CPEB3: variants seen among roughly 807,000 people sequenced by gnomAD.
CPEB3 encodes cytoplasmic polyadenylation element-binding protein 3.
A neutral mutation model predicts 67.2 loss-of-function variants in CPEB3; 20 were observed. That is an observed-to-expected ratio of 0.30 (90% CI 0.21 to 0.43). The LOEUF (loss-of-function observed/expected upper bound fraction) is 0.43, where lower values mean the gene tolerates loss of function less well. Among genes scored for constraint, CPEB3 ranks in the 20% least tolerant of loss-of-function variants. The probability of loss-of-function intolerance (pLI) is 1.00; values close to 1 mark genes in which losing one functional copy is unlikely to be tolerated. For synonymous variants in CPEB3, 376 were observed against 393.1 expected, an observed-to-expected ratio of 0.96 and a Z score of 0.51; for missense variants, 746 against 968.6, an observed-to-expected ratio of 0.77 and a Z score of 3.05.
chr10:92,129,777 CA>C (rs1458757065), intron 6 of CPEB3, among the ~76,000 whole-genome samples: 2 of 152,138 alleles, frequency 1.3e-5, no homozygotes, highest in Non-Finnish European at 2.9e-5. Flanking sequence ...CATGGTAGCT[CA>C]CGCCTGTAAT....
rs202194341 is a variant in CPEB3 at position 92,050,069 on chromosome 10, C to CA, written c.*2142dup. 371 of 138,620 alleles carry CA rather than the reference C, an allele frequency of 2.7e-3. 1 individual carries two copies. Among genetic ancestry groups the CA allele is most frequent in the Non-Finnish European group, 4.0e-3 (256 of 63,220 alleles). 8.6% of individuals were successfully genotyped at this position (138,620 alleles called of 1,614,324 possible). A position where few individuals can be genotyped will look rare whatever the true frequency, so the allele number is the denominator to read the frequency against. ...GAAAGCATGCCTTTTTCCTTAAAAA[C>CA]AAAAAAAAAAATCTGCCAACTTTTG... On this transcript the variant is annotated 3_prime_UTR_variant, in exon 10 of 10. Transcript: ENST00000265997.
Position 92,217,910 on chromosome 10 carries a change from G to A in CPEB3, c.1005+21436C>T, listed in dbSNP as rs527771114. 2.0e-3 allele frequency among the ~76,000 whole-genome samples: 298 copies of A among 152,314 alleles called. 2 individuals are homozygous for A. The highest frequency in any genetic ancestry group is 3.7e-3 in the Non-Finnish European group (249 of 68,026). ...AGGCAGTAAAACAGCTTGAGCCCAG[G>A]AGTTCAAGACCAGCCTGGCCAACAT... On this transcript the variant is annotated intron_variant, in intron 2 of 9. Coordinates refer to ENST00000265997, the MANE Select transcript of CPEB3 (RefSeq NM_014912.5).
intron 4 of CPEB3, among the ~76,000 whole-genome samples, chr10:92,178,076 C>T (rs768017340): frequency 7.2e-5 from 11 of 152,056 alleles, no homozygotes; most frequent in Non-Finnish European, 1.3e-4. Context: ...TCCGAAAATA[C>T]AGCTCAACTT....
At chr10:92,220,105 A>G (rs1850619768) in intron 2 of CPEB3, among the ~76,000 whole-genome samples, 1 of 152,116 alleles carries the variant, frequency 6.6e-6, no homozygotes, top group African/African-American at 2.4e-5. Context: ...CGGTGAGCGG[A>G]GATTGGGCCA....
intron 4 of CPEB3, among the ~76,000 whole-genome samples, chr10:92,177,701 G>C (rs12243966): frequency 0.013 from 1,979 of 152,260 alleles, 47 homozygotes; most frequent in African/African-American, 0.046. Context: ...GTGATTCTTG[G>C]AGGAAGGTAT....
At chr10:92,280,917 G>A (rs1216722541) in intron 1 of CPEB3, among the ~76,000 whole-genome samples, 5 of 151,306 alleles carry the variant, frequency 3.3e-5, no homozygotes, top group African/African-American at 4.9e-5. Context: ...GTGCCACCAC[G>A]CCCGGCTAAT....
intron 7 of CPEB3, among the ~76,000 whole-genome samples, chr10:92,104,789 C>CA (rs570449997): frequency 9.7e-4 from 142 of 146,596 alleles, no homozygotes; most frequent in Middle Eastern, 6.9e-3. Flanking sequence ...ACACCCAGGG[C>CA]AAAAAAAAAA....
intron 1 of CPEB3, among the ~76,000 whole-genome samples, chr10:92,284,586 CTAGT>C (rs1842447764): frequency 6.6e-6 from 1 of 152,080 alleles, no homozygotes; most frequent in South Asian, 2.1e-4. Context: ...TTCCCTTTAT[CTAGT>C]TAATGCCTGC....
intron 2 of CPEB3, chr10:92,216,400 C>G (rs2134395082): frequency 1.9e-6 from 3 of 1,612,496 alleles, no homozygotes; most frequent in East Asian, 4.5e-5. Context: ...GGGAGCGCAC[C>G]TACCAGGAGC....
chr10:92,189,374 G>A (rs112089104), intron 3 of CPEB3, among the ~76,000 whole-genome samples: 2 of 152,300 alleles, frequency 1.3e-5, no homozygotes, highest in African/African-American at 4.8e-5. Context: ...AGTACTGTAA[G>A]GATACCATAC....
intron 1 of CPEB3, among the ~76,000 whole-genome samples, chr10:92,270,559 C>G (rs1175899899): frequency 8.0e-6 from 1 of 124,874 alleles, no homozygotes; most frequent in African/African-American, 3.0e-5. Flanking sequence ...TTTTATATTA[C>G]TTTTTTTTTT....
At chr10:92,256,138 G>T (rs1027123299) in intron 1 of CPEB3, among the ~76,000 whole-genome samples, 4 of 152,052 alleles carry the variant, frequency 2.6e-5, no homozygotes, top group Admixed American at 6.6e-5. Context: ...AAGTCCAACT[G>T]GTTGATAAAA....
chr10:92,158,237 C>T (rs561740645), intron 4 of CPEB3, among the ~76,000 whole-genome samples: 1 of 151,854 alleles, frequency 6.6e-6, no homozygotes, highest in African/African-American at 2.4e-5. Context: ...TTTTAAAAAA[C>T]CTTTATGAAG....
Position 92,047,847 on chromosome 10 carries a change from C to G in CPEB3, c.*4365G>C, listed in dbSNP as rs1407600893. 2.6e-5 allele frequency: 4 copies of G among 152,238 alleles called. No homozygotes were observed. Among genetic ancestry groups the G allele is most frequent in the Non-Finnish European group, 5.9e-5 (4 of 68,038 alleles). 9.4% of individuals were successfully genotyped at this position (152,238 alleles called of 1,614,324 possible). A position where few individuals can be genotyped will look rare whatever the true frequency, so the allele number is the denominator to read the frequency against. On this transcript the variant is annotated 3_prime_UTR_variant, in exon 10 of 10. Transcript: ENST00000265997. ...TGGAGCTGAAAGAGGCCATCAACCACTAGTAGAAACATATCATCTATCTGG... is the reference window on the plus strand; with the variant it reads ...TGGAGCTGAAAGAGGCCATCAACCAGTAGTAGAAACATATCATCTATCTGG...
At chr10:92,072,762 C>G (rs1314098831) in intron 9 of CPEB3, among the ~76,000 whole-genome samples, 1 of 152,196 alleles carries the variant, frequency 6.6e-6, no homozygotes, top group Non-Finnish European at 1.5e-5. Flanking sequence ...CACTTACATA[C>G]TAATGATCAT....
intron 1 of CPEB3, among the ~76,000 whole-genome samples, chr10:92,245,931 A>G (rs938880811): frequency 3.3e-5 from 5 of 152,034 alleles, no homozygotes; most frequent in African/African-American, 4.8e-5. Context: ...CCATCTACTC[A>G]GGAGGCTGAG....
chr10:92,184,677 T>C (rs1281518832), intron 3 of CPEB3, among the ~76,000 whole-genome samples: 2 of 152,178 alleles, frequency 1.3e-5, no homozygotes, highest in Non-Finnish European at 2.9e-5. Context: ...CTAAATATAA[T>C]CTAATTTTTC....
At chr10:92,244,299 A>T (rs1851968303) in intron 1 of CPEB3, among the ~76,000 whole-genome samples, 1 of 151,412 alleles carries the variant, frequency 6.6e-6, no homozygotes, top group Admixed American at 6.6e-5. Flanking sequence ...GTGAGCTGAG[A>T]TTAGGCCACT....
At chr10:92,180,346 C>A (rs182562223) in intron 4 of CPEB3, among the ~76,000 whole-genome samples, 1 of 152,294 alleles carries the variant, frequency 6.6e-6, no homozygotes, top group East Asian at 1.9e-4. Flanking sequence ...TATCTACCAC[C>A]ATGAAAAAAT....
Sources: gnomAD v4.1 joint callset for allele counts (sites outside exome capture counted in the v4.1 genomes callset) on GRCh38, gnomAD v4.1.1 for gene constraint, MANE v1.5 for transcripts, NCBI Gene and HGNC (gene_info 2026-07-23, HGNC 2026-07-21) for gene names.